The following DGAT2 variants were observed in gnomAD, a reference collection of about 807,000 sequenced individuals.
DGAT2 encodes the protein diacylglycerol O-acyltransferase 2, also known as acyl-CoA retinol O-fatty-acyltransferase.
In DGAT2, 33 loss-of-function variants were observed where a neutral mutation model predicts 48.4. The observed-to-expected ratio is 0.68, with a 90% CI of 0.52 to 0.91. DGAT2 has a LOEUF of 0.91. Ranked by LOEUF, DGAT2 falls within the 40% of genes least tolerant of loss-of-function variation. DGAT2 has a pLI of 0.00. For missense variants in DGAT2, 446 were observed against 493.7 expected (o/e 0.90, Z 0.92); for synonymous variants, 191 against 194.1 (o/e 0.98, Z 0.13).
chr11:75,786,678 C>T (rs1225811338), intron 2 of DGAT2, among the ~76,000 whole-genome samples: 1 of 152,218 alleles, frequency 6.6e-6, no homozygotes, highest in African/African-American at 2.4e-5. Context: ...AGGCAGATCT[C>T]CTGAGCTACT....
chr11:75,769,123 C>A lies in DGAT2; in HGVS notation c.121+11C>A. The A allele has an allele frequency of 6.4e-7, 1 of 1,560,676 alleles. No individual in the cohort carries two copies. The highest frequency in any genetic ancestry group is 8.6e-7 in the Non-Finnish European group (1 of 1,160,140). On this transcript the variant is annotated intron_variant, in intron 1 of 7. Transcript: ENST00000228027. ...GGTCTGGGAGATGGGGTGAGTGCCACGGCGCAGGGGTTATGGACCTGCGAG... is the reference window on the plus strand; with the variant it reads ...GGTCTGGGAGATGGGGTGAGTGCCAAGGCGCAGGGGTTATGGACCTGCGAG...
intron 1 of DGAT2, among the ~76,000 whole-genome samples, chr11:75,774,848 C>G (rs1016652965): frequency 1.3e-5 from 2 of 152,198 alleles, no homozygotes; most frequent in East Asian, 3.8e-4. Context: ...GCCCCTTCCA[C>G]TGCAGTAGCT....
Position 75,768,920 on chromosome 11 carries a change from G to C in DGAT2, c.-72G>C. The C allele has an allele frequency of 7.3e-7, 1 of 1,364,806 alleles. No individual in the cohort carries two copies. The highest frequency in any genetic ancestry group is 9.4e-7 in the Non-Finnish European group (1 of 1,062,908). 84.5% of individuals were successfully genotyped at this position (1,364,806 alleles called of 1,614,324 possible). On this transcript the variant is annotated 5_prime_UTR_variant, in exon 1 of 8. Coordinates refer to ENST00000228027, the MANE Select transcript of DGAT2 (RefSeq NM_032564.5). ...GCTCTGCGCGAAGCCCTGGCCCCGG[G>C]GGCCGGGGCATGGGCCAGGGGCGCG...
chr11:75,786,638 C>G (rs1944925961), intron 2 of DGAT2, among the ~76,000 whole-genome samples: 1 of 152,224 alleles, frequency 6.6e-6, no homozygotes, highest in African/African-American at 2.4e-5. Flanking sequence ...CGCCTCGCCT[C>G]GCATAGGTGG....
Position 75,781,484 on chromosome 11 carries a change from TG to T in DGAT2, c.122-3131del, listed in dbSNP as rs140521208. On this transcript the variant is annotated intron_variant, in intron 1 of 7. Transcript: ENST00000228027. ...CAGGTTGGGATTGCCTGAGAGGGCC[TG>T]GGCCTGAGAAAGCAGAGGTGCAGTC... Among the ~76,000 whole-genome samples the T allele has an allele frequency of 1.6e-3, 242 of 152,348 alleles. No homozygotes were observed. In the East Asian group the frequency reaches 0.02, roughly 13 times the overall value.
In DGAT2 at chr11:75,768,862, C is replaced by T. The variant is rs1944726467; in HGVS notation, c.-130C>T. 3 of 1,211,862 alleles carry T rather than the reference C, an allele frequency of 2.5e-6. No individual in the cohort carries two copies. Among genetic ancestry groups the T allele is most frequent in the South Asian group, 2.4e-5 (1 of 42,492 alleles). The allele number at this position is 1,211,862 out of a possible 1,614,324, so 75.1% of individuals were successfully genotyped here. ...CGGCCGCAGCTCCAGGTGTCCTAGC[C>T]GCCCAGCCTCGACGCCGTCCCGGGA... On this transcript the variant is annotated 5_prime_UTR_variant, in exon 1 of 8. Coordinates refer to ENST00000228027, the MANE Select transcript of DGAT2 (RefSeq NM_032564.5).
chr11:75,769,503 G>A (rs778782685), intron 1 of DGAT2, among the ~76,000 whole-genome samples: 15 of 152,086 alleles, frequency 9.9e-5, no homozygotes, highest in Non-Finnish European at 2.1e-4. Flanking sequence ...TGCCCGACTG[G>A]AACAGGTGTG....
intron 1 of DGAT2, among the ~76,000 whole-genome samples, chr11:75,772,709 C>T (rs1944769929): frequency 6.6e-6 from 1 of 152,176 alleles, no homozygotes; most frequent in Non-Finnish European, 1.5e-5. Flanking sequence ...CTTTGCCGGC[C>T]GCGTGCCATG....
intron 2 of DGAT2, among the ~76,000 whole-genome samples, chr11:75,789,265 C>T (rs1344408728): frequency 6.6e-6 from 1 of 152,138 alleles, no homozygotes; most frequent in East Asian, 1.9e-4. Context: ...CTTCCCATCT[C>T]AGCCTCCTGA....
intron 5 of DGAT2, 81 bp downstream of exon 5, chr11:75,796,613 G>A: frequency 7.0e-7 from 1 of 1,425,456 alleles, no homozygotes; most frequent in Non-Finnish European, 9.6e-7. Context: ...GACACAGGGA[G>A]CCAACACACC....
chr11:75,777,732 C>G (rs907742007), intron 1 of DGAT2, among the ~76,000 whole-genome samples: 3 of 152,114 alleles, frequency 2.0e-5, no homozygotes, highest in Admixed American at 6.5e-5. Flanking sequence ...GGGTGGAGGA[C>G]GCGGTGTGGG....
chr11:75,784,151 A>G (rs1020649654), intron 1 of DGAT2, among the ~76,000 whole-genome samples: 11 of 152,154 alleles, frequency 7.2e-5, no homozygotes, highest in Admixed American at 5.2e-4. Flanking sequence ...GGGATGCTCA[A>G]AGTACACTTG....
At chr11:75,796,919 A>G (rs1422651511) in intron 5 of DGAT2, 2 of 457,376 alleles carry the variant, frequency 4.4e-6, no homozygotes, top group Non-Finnish European at 7.7e-6. Context: ...GGCCCTGGGA[A>G]TGTTTGCCAA....
intron 1 of DGAT2, among the ~76,000 whole-genome samples, chr11:75,783,581 A>G (rs536046551): frequency 2.6e-5 from 4 of 152,314 alleles, no homozygotes; most frequent in East Asian, 3.9e-4. Context: ...GATGGTATGA[A>G]GGAATATTTA....
Position 75,790,694 on chromosome 11 carries a change from C to A in DGAT2, c.392C>A (p.Ala131Asp). Reference sequence around the variant, plus strand: ...AGGTCACAGTGGGTCCGAAACTGGGCTGTGTGGCGCTACTTTCGAGACTAC... The same window carrying A: ...AGGTCACAGTGGGTCCGAAACTGGGATGTGTGGCGCTACTTTCGAGACTAC... ...GRRSQWVRNW[A>D]VWRYFRDYFP... Residue 131 changes from alanine to aspartate, a missense_variant, in exon 4 of 8, where the codon GCT (alanine) becomes GAT (aspartate). Coordinates refer to ENST00000228027, the MANE Select transcript of DGAT2 (RefSeq NM_032564.5). 1 of 1,614,108 alleles carries A rather than the reference C, an allele frequency of 6.2e-7. No individual in the cohort carries two copies. Among genetic ancestry groups the A allele is most frequent in the African/African-American group, 1.3e-5 (1 of 75,032 alleles).
chr11:75,797,075 T>C, intron 5 of DGAT2, 83 bp from the exon 6 acceptor site: 2 of 1,359,664 alleles, frequency 1.5e-6, no homozygotes, highest in Non-Finnish European at 1.9e-6. Flanking sequence ...CAGGGTTCTT[T>C]ATGTTTTATA....
chr11:75,784,396 A>G (rs1470422120), intron 1 of DGAT2: 6 of 482,974 alleles, frequency 1.2e-5, no homozygotes, highest in African/African-American at 1.9e-5. Flanking sequence ...TACCATTCCC[A>G]TTGTGTATCT....
chr11:75,800,509 G>A lies in DGAT2; in HGVS notation c.*1G>A. On this transcript the variant is annotated 3_prime_UTR_variant, in exon 8 of 8. Coordinates refer to ENST00000228027, the MANE Select transcript of DGAT2 (RefSeq NM_032564.5). ...GACTGAGGTCCTGGAGGTGAACTGAGCCAGCCTTCGGGGCCAATTCCCTGG... is the reference window on the plus strand; with the variant it reads ...GACTGAGGTCCTGGAGGTGAACTGAACCAGCCTTCGGGGCCAATTCCCTGG... 2 of 1,613,706 alleles carry A rather than the reference G, an allele frequency of 1.2e-6. No homozygotes were observed. The highest frequency in any genetic ancestry group is 4.5e-5 in the East Asian group (2 of 44,860).
rs1474960185 is a variant in DGAT2 at position 75,796,458 on chromosome 11, G to A, written c.560G>A (p.Gly187Asp). 6.2e-7 allele frequency: 1 copy of A among 1,613,920 alleles called. No homozygotes were observed. Among genetic ancestry groups the A allele is most frequent in the African/African-American group, 1.3e-5 (1 of 74,914 alleles). ...EATEVSKKFP[G>D]IRPYLATLAG... ...ACAGAAGTGAGCAAGAAGTTCCCAGGCATACGGCCTTACCTGGCTACACTG... is the reference window on the plus strand; with the variant it reads ...ACAGAAGTGAGCAAGAAGTTCCCAGACATACGGCCTTACCTGGCTACACTG... The change falls in exon 5 of 8, where the codon GGC (glycine) becomes GAC (aspartate). Residue 187 changes from glycine (G) to aspartate (D), a missense_variant. Physicochemically the swap from Gly to Asp is moderately conservative, Grantham distance 94. Transcript: ENST00000228027.
Sources: allele counts gnomAD v4.1 joint callset (sites outside exome capture counted in the v4.1 genomes callset), GRCh38; gene constraint gnomAD v4.1.1; transcripts MANE v1.5; gene names NCBI Gene and HGNC (gene_info 2026-07-23, HGNC 2026-07-21).